The following ZNF292 variants were observed in gnomAD, a reference collection of about 807,000 sequenced individuals.
The protein encoded by ZNF292 is zinc finger protein 292.
Under a neutral mutation model 217.9 loss-of-function variants are expected in ZNF292, and 26 were observed. The observed-to-expected ratio is 0.12, with a 90% CI of 0.09 to 0.17. The LOEUF (loss-of-function observed/expected upper bound fraction) is 0.17, where lower values mean the gene tolerates loss of function less well. ZNF292 is among the 10% of genes least tolerant of loss of function. ZNF292 has a pLI of 1.00. For synonymous variants in ZNF292, 1,257 were observed against 1,124.1 expected (o/e 1.12, Z -2.37); for missense variants, 2,904 against 3,175.2 (o/e 0.91, Z 2.05).
Position 87,243,567 on chromosome 6 carries a change from GT to G in ZNF292, c.839del (p.Leu280CysfsTer27). 1 of 1,556,342 alleles carries G rather than the reference GT, an allele frequency of 6.4e-7. No individual in the cohort carries two copies. The highest frequency in any genetic ancestry group is 2.4e-5 in the East Asian group (1 of 42,380). On this transcript the variant is annotated frameshift_variant, in exon 6 of 8. Transcript: ENST00000369577. LOFTEE classifies it high-confidence loss of function. ...AAAGCGCTCTTGTTTTATGTACTGC[GT>G]TTTTGTCACGTCAGCTCCAACAAGG... ...EKSALVLCTAFLSRQLQQGDM... is the reference protein window; with the variant it reads ...EKSALVLCTAXLSRQLQQGDM...
chr6:87,218,187 T>C (rs1034113191), intron 3 of ZNF292, among the ~76,000 whole-genome samples: 4 of 152,164 alleles, frequency 2.6e-5, no homozygotes, highest in Admixed American at 2.0e-4. Flanking sequence ...TTTATTGGAA[T>C]ATGCATAAGT....
chr6:87,166,410 T>C (rs1770917185), intron 1 of ZNF292, among the ~76,000 whole-genome samples: 3 of 152,192 alleles, frequency 2.0e-5, no homozygotes, highest in African/African-American at 7.2e-5. Context: ...ATGCTTTCTT[T>C]GAAAAAATAA....
rs183926477 is a variant in ZNF292, at chr6:87,215,881, T to C, written c.169-22T>C. On this transcript the variant is annotated intron_variant, in intron 1 of 7. Transcript: ENST00000369577. ...ATTTTGATTTACATTTTGAATACTTTTTATTATTCCTTCCAAAACAGACAC... is the reference window on the plus strand; with the variant it reads ...ATTTTGATTTACATTTTGAATACTTCTTATTATTCCTTCCAAAACAGACAC... The C allele has an allele frequency of 8.1e-5, 125 of 1,549,302 alleles. 1 individual carries two copies. The African/African-American group carries it at 1.1e-3, about 14-fold the overall frequency.
At chr6:87,237,375 G>A (rs909895015) in intron 5 of ZNF292, among the ~76,000 whole-genome samples, 3 of 152,076 alleles carry the variant, frequency 2.0e-5, no homozygotes, top group Admixed American at 6.5e-5. Context: ...CCAAGTAGCT[G>A]GGACTACAGG....
At chr6:87,231,713 G>C (rs1050141605) in intron 4 of ZNF292, among the ~76,000 whole-genome samples, 1 of 152,146 alleles carries the variant, frequency 6.6e-6, no homozygotes, top group African/African-American at 2.4e-5. Flanking sequence ...TTGAGATTGG[G>C]ACCATCAGTT....
At chr6:87,184,140 A>G (rs751175405) in intron 1 of ZNF292, among the ~76,000 whole-genome samples, 10 of 152,244 alleles carry the variant, frequency 6.6e-5, no homozygotes, top group East Asian at 3.8e-4. Context: ...ACCTTTATAC[A>G]ATTTATACCT....
At chr6:87,250,138 A>G (rs190030152) in intron 7 of ZNF292, among the ~76,000 whole-genome samples, 1 of 151,992 alleles carries the variant, frequency 6.6e-6, no homozygotes, top group Admixed American at 6.6e-5. Flanking sequence ...ACATCAGTGG[A>G]TTCAACCACC....
chr6:87,222,542 A>G (rs1364472082), intron 4 of ZNF292, among the ~76,000 whole-genome samples: 1 of 152,062 alleles, frequency 6.6e-6, no homozygotes, highest in East Asian at 1.9e-4. Context: ...AGTCTGACCT[A>G]ATTTATTTTT....
At chr6:87,166,799 T>G (rs577897006) in intron 1 of ZNF292, among the ~76,000 whole-genome samples, 1 of 152,224 alleles carries the variant, frequency 6.6e-6, no homozygotes, top group East Asian at 1.9e-4. Flanking sequence ...TGTTTCTATA[T>G]TGCATGCTCT....
At chr6:87,253,082 C>CT (rs11387490) in intron 7 of ZNF292, among the ~76,000 whole-genome samples, 15,153 of 146,032 alleles carry the variant, frequency 0.1, 800 homozygotes, top group East Asian at 0.14. Flanking sequence ...AATTTTTTTT[C>CT]TTTTTTTTTT....
Position 87,256,030 on chromosome 6 carries a change from G to A in ZNF292, c.2401G>A (p.Ala801Thr). The change falls in exon 8 of 8, where the codon GCA (alanine) becomes ACA (threonine). Residue 801 changes from alanine to threonine, a missense_variant. Around this residue, in one of 15 missense-constraint regions of ZNF292, gnomAD observed 216 missense variants for 308.3 expected, o/e 0.70. Coordinates refer to ENST00000369577, the MANE Select transcript of ZNF292 (RefSeq NM_015021.3). ...SEAYLLYDHE[A>T]QHYNTYTCKF... ...AGCTTATTTACTATATGATCATGAA[G>A]CACAACATTATAATACGTACACTTG... The A allele has an allele frequency of 6.2e-7, 1 of 1,607,832 alleles. No individual in the cohort carries two copies.
Position 87,264,370 on chromosome 6 carries a change from A to G in ZNF292, c.*2569A>G, listed in dbSNP as rs1227357423. Among the ~76,000 whole-genome samples the G allele has an allele frequency of 6.6e-6, 1 of 152,182 alleles. No homozygotes were observed. ...TTAAGTGAAATGTAACAGTTTTTGA[A>G]ATTTTCAACGGTGTTAAATTTAACA... On this transcript the variant is annotated 3_prime_UTR_variant, in exon 8 of 8. Coordinates refer to ENST00000369577, the MANE Select transcript of ZNF292 (RefSeq NM_015021.3).
intron 1 of ZNF292, among the ~76,000 whole-genome samples, chr6:87,159,849 A>T (rs1165472202): frequency 6.6e-6 from 1 of 152,162 alleles, no homozygotes; most frequent in African/African-American, 2.4e-5. Context: ...ATTTCCTTGT[A>T]TCTTTTCAAA....
intron 7 of ZNF292, among the ~76,000 whole-genome samples, chr6:87,247,293 G>GTGTA (rs1554204911): frequency 6.7e-6 from 1 of 149,056 alleles, no homozygotes; most frequent in Admixed American, 6.7e-5. Context: ...GCGCACGCAC[G>GTGTA]TGCATGCATG....
intron 1 of ZNF292, among the ~76,000 whole-genome samples, chr6:87,194,596 T>A (rs538097588): frequency 3.3e-5 from 5 of 152,082 alleles, no homozygotes; most frequent in Non-Finnish European, 7.4e-5. Flanking sequence ...ATGGTGGATT[T>A]CCATTTAAAA....
chr6:87,169,594 A>C (rs901211551), intron 1 of ZNF292: 2 of 353,310 alleles, frequency 5.7e-6, no homozygotes, highest in Admixed American at 6.8e-5. Context: ...ATTTCCAGTA[A>C]ATAGGAATGA....
intron 1 of ZNF292, among the ~76,000 whole-genome samples, chr6:87,200,988 A>G (rs551893993): frequency 1.3e-5 from 2 of 152,302 alleles, no homozygotes; most frequent in Non-Finnish European, 2.9e-5. Flanking sequence ...AAGTGTCTCA[A>G]CCAGAACAAT....
chr6:87,155,780 C>T (rs1341734463), intron 1 of ZNF292, 21 bp downstream of exon 1: 3 of 1,571,540 alleles, frequency 1.9e-6, no homozygotes, highest in Non-Finnish European at 1.7e-6. Flanking sequence ...CCGGTGGTCC[C>T]CTCCCCCTTT....
At chr6:87,201,410 A>AT (rs1346756924) in intron 1 of ZNF292, among the ~76,000 whole-genome samples, 6 of 151,760 alleles carry the variant, frequency 4.0e-5, no homozygotes, top group Non-Finnish European at 8.8e-5. Context: ...TTGTTGTTTT[A>AT]TTTTTTTCTT....
Sources: gnomAD v4.1 joint callset for allele counts (sites outside exome capture counted in the v4.1 genomes callset) on GRCh38, gnomAD v4.1.1 for gene constraint, gnomAD v4.1.1 regional missense constraint, MANE v1.5 for transcripts, NCBI Gene and HGNC (gene_info 2026-07-23, HGNC 2026-07-21) for gene names.